IRS2: variants seen among roughly 807,000 people sequenced by gnomAD.
IRS2 encodes insulin receptor substrate 2.
Under a neutral mutation model 70.9 loss-of-function variants are expected in IRS2, and 28 were observed. That is an observed-to-expected ratio of 0.39 (90% confidence interval 0.29 to 0.54). IRS2 has a LOEUF of 0.54. Among genes scored for constraint, IRS2 ranks in the 20% least tolerant of loss-of-function variants. The pLI is 0.59. For missense variants in IRS2, 2,081 were observed against 2,024.1 expected (o/e 1.03, Z -0.54); for synonymous variants, 1,217 against 981.9 (o/e 1.24, Z -4.48).
At chr13:109,773,342 T>C (rs550626792) in intron 1 of IRS2, among the ~76,000 whole-genome samples, 24 of 152,342 alleles carry the variant, frequency 1.6e-4, no homozygotes, top group African/African-American at 5.5e-4. Context: ...ACTCATTAAA[T>C]AGGTTAATGA....
chr13:109,769,256 T>G (rs1038112350), intron 1 of IRS2, among the ~76,000 whole-genome samples: 1 of 152,228 alleles, frequency 6.6e-6, no homozygotes. Context: ...GGCTACAGTA[T>G]GAAAGTTTTT....
chr13:109,782,989 G>C lies in IRS2; in HGVS notation c.3065C>G (p.Ser1022Cys). The C allele has an allele frequency of 1.8e-5, 25 of 1,378,962 alleles. No homozygotes were observed. The highest frequency in any genetic ancestry group is 2.2e-5 in the Non-Finnish European group (24 of 1,070,754). The allele number at this position is 1,378,962 out of a possible 1,614,324, so 85.4% of individuals were successfully genotyped here. Reference protein sequence around the residue: ...SPYPPLPPRPSASPSSSLQPP... With the variant: ...SPYPPLPPRPCASPSSSLQPP... The stretch of plus-strand genomic sequence containing the variant: ...CTGCAGAGACGACGACGGGGACGCG[G>C]ACGGACGCGGGGGCAACGGCGGATA... Residue 1022 changes from serine (S) to cysteine (C), a missense_variant, in exon 1 of 2, where the codon TCC becomes TGC. Ser to Cys is a moderately radical substitution (Grantham distance 112). Coordinates refer to ENST00000375856, the MANE Select transcript of IRS2 (RefSeq NM_003749.3).
rs61743905 is a variant in IRS2, at chr13:109,784,320, C to T, written c.1734G>A (p.Leu578=). The T allele has an allele frequency of 2.0e-3, 3,132 of 1,604,820 alleles. 60 individuals are homozygous for T. In the African/African-American group the frequency reaches 0.035, roughly 18 times the overall value. The change falls in exon 1 of 2, where the codon CTG becomes CTA. Residue 578 remains leucine, a synonymous_variant. Transcript: ENST00000375856. This position sits in a 1 kb window ranked among gnomAD's most constrained non-coding sequence, Gnocchi z 5.2. ...CCGGCCGCTGCCGGGCTGGCGTGGT[C>T]AGGGAGTAGGTCCTCTTGCGCAGCC... ...DRGLRKRTYS[L]TTPARQRPVP...
chr13:109,782,824 A>C lies in IRS2; in HGVS notation c.3230T>G (p.Phe1077Cys), dbSNP rs1379650797. ...GDNGDYTEMA[F>C]GVAATPPQPI... Reference sequence around the variant, plus strand: ...TTGCGGCGGGGTGGCGGCCACACCAAAAGCCATCTCGGTGTAGTCACCATT... The same window carrying C: ...TTGCGGCGGGGTGGCGGCCACACCACAAGCCATCTCGGTGTAGTCACCATT... Residue 1077 changes from phenylalanine to cysteine, a missense_variant, in exon 1 of 2, where the codon TTT (phenylalanine) becomes TGT (cysteine). Transcript: ENST00000375856. The C allele has an allele frequency of 1.9e-6, 3 of 1,590,238 alleles. No individual in the cohort carries two copies.
intron 1 of IRS2, among the ~76,000 whole-genome samples, chr13:109,779,569 G>T (rs1449999820): frequency 6.6e-6 from 1 of 152,158 alleles, no homozygotes; most frequent in Non-Finnish European, 1.5e-5. Context: ...GTGCTACGTG[G>T]ACTAAGGTGA....
intron 1 of IRS2, among the ~76,000 whole-genome samples, chr13:109,777,981 G>T (rs1877616213): frequency 6.6e-6 from 1 of 152,200 alleles, no homozygotes; most frequent in South Asian, 2.1e-4. Context: ...TTAAGGTGCT[G>T]GCTCCATTTT....
In IRS2 at chr13:109,782,751, C is replaced by T. The variant is rs1191913960; in HGVS notation, c.3303G>A (p.Pro1101=). The T allele has an allele frequency of 3.7e-6, 6 of 1,600,544 alleles. No individual in the cohort carries two copies. The highest frequency in any genetic ancestry group is 2.3e-5 in the East Asian group (1 of 44,228). ...GGCTCAGCCTCTTCACGCCCGACGTCGGGCTGGCCACGCGGGCAGCTTCTG... is the reference window on the plus strand; with the variant it reads ...GGCTCAGCCTCTTCACGCCCGACGTTGGGCTGGCCACGCGGGCAGCTTCTG... ...PKPEAARVAS[P]TSGVKRLSLM... The change falls in exon 1 of 2, where the codon CCG becomes CCA. Residue 1101 remains proline (P), a synonymous_variant. Coordinates refer to ENST00000375856, the MANE Select transcript of IRS2 (RefSeq NM_003749.3).
rs1877762045 is a variant in IRS2 at position 109,782,929 on chromosome 13, T to G, written c.3125A>C (p.Tyr1042Ser). ...PPPPPAPGEL[Y>S]RLPPASAVAT... ...AACGGCCGAGGCGGGGGGCAGGCGGTACAGCTCCCCCGGGGCCGGCGGCGG... is the reference window on the plus strand; with the variant it reads ...AACGGCCGAGGCGGGGGGCAGGCGGGACAGCTCCCCCGGGGCCGGCGGCGG... The change falls in exon 1 of 2, where the codon TAC (tyrosine) becomes TCC (serine). Residue 1042 changes from tyrosine (Y) to serine (S), a missense_variant. Physicochemically the swap from Tyr to Ser is moderately radical, Grantham distance 144. Around this residue, in one of 4 missense-constraint regions of IRS2, gnomAD observed 1,615 missense variants for 1,459.5 expected, o/e 1.11. Transcript: ENST00000375856. 6.6e-7 allele frequency: 1 copy of G among 1,516,780 alleles called. No individual in the cohort carries two copies. 94.0% of individuals were successfully genotyped at this position (1,516,780 alleles called of 1,614,324 possible).
At chr13:109,758,874 C>CGGAAGAGGAAGA (rs1181712113) in intron 1 of IRS2, among the ~76,000 whole-genome samples, 1 of 108,896 alleles carries the variant, frequency 9.2e-6, no homozygotes, top group Non-Finnish European at 1.8e-5. Flanking sequence ...GAAGGGCAAG[C>CGGAAGAGGAAGA]GGAAGAGGAA....
intron 1 of IRS2, among the ~76,000 whole-genome samples, chr13:109,765,487 C>T (rs61962697): frequency 0.079 from 1,043 of 13,244 alleles, 2 homozygotes; most frequent in Middle Eastern, 0.14. Context: ...CTCATCCACC[C>T]TGACTCCAAC....
chr13:109,767,579 G>A (rs549884729), intron 1 of IRS2, among the ~76,000 whole-genome samples: 2 of 152,052 alleles, frequency 1.3e-5, no homozygotes, highest in Non-Finnish European at 2.9e-5. Flanking sequence ...CACCTTGTTA[G>A]TAACCAAGGT....
chr13:109,762,113 G>T (rs917632024), intron 1 of IRS2, among the ~76,000 whole-genome samples: 1 of 152,122 alleles, frequency 6.6e-6, no homozygotes, highest in Non-Finnish European at 1.5e-5. Flanking sequence ...ACAGTGCACG[G>T]CTACAGCAGA....
chr13:109,773,609 A>T (rs748264230), intron 1 of IRS2, among the ~76,000 whole-genome samples: 1 of 152,220 alleles, frequency 6.6e-6, no homozygotes, highest in Non-Finnish European at 1.5e-5. Context: ...GATAAAGTAA[A>T]TACATGACCT....
chr13:109,782,455 G>C lies in IRS2; in HGVS notation c.3599C>G (p.Pro1200Arg). The change falls in exon 1 of 2, where the codon CCG becomes CGG. Residue 1200 changes from proline to arginine, a missense_variant. Physicochemically the swap from Pro to Arg is moderately radical, Grantham distance 103. Coordinates refer to ENST00000375856, the MANE Select transcript of IRS2 (RefSeq NM_003749.3). ...CTGCAACTGTCGTGGGGAGGTGGGC[G>C]GCTCGTCGCCCCCTCCAGGGCCGAC... ...VGVGPGGGDE[P>R]PTSPRQLQPA... is the part of the protein sequence containing the mutation. 2 of 1,571,036 alleles carry C rather than the reference G, an allele frequency of 1.3e-6. No homozygotes were observed. Among genetic ancestry groups the C allele is most frequent in the Non-Finnish European group, 1.7e-6 (2 of 1,158,372 alleles).
rs561058544 is a variant in IRS2, at chr13:109,755,840, G to A, written c.*464C>T. 9 of 232,692 alleles carry A rather than the reference G, an allele frequency of 3.9e-5. No individual in the cohort carries two copies. The Admixed American group carries it at 4.0e-4, about 10-fold the overall frequency. 14.4% of individuals were successfully genotyped at this position (232,692 alleles called of 1,614,324 possible). ...CGCCACGGAAATCCGGCTTTACCTT[G>A]AACTGAGGTAGGACTGTGGTCGTTT... On this transcript the variant is annotated 3_prime_UTR_variant, in exon 2 of 2. Coordinates refer to ENST00000375856, the MANE Select transcript of IRS2 (RefSeq NM_003749.3).
At position 109,755,861 on chromosome 13, in the gene IRS2, C is replaced by T. The variant is rs1010571156; in HGVS notation, c.*443G>A. 11 of 250,426 alleles carry T rather than the reference C, an allele frequency of 4.4e-5. No homozygotes were observed. The highest frequency in any genetic ancestry group is 7.1e-5 in the Non-Finnish European group (9 of 126,728). The allele number at this position is 250,426 out of a possible 1,614,324, so 15.5% of individuals were successfully genotyped here. On this transcript the variant is annotated 3_prime_UTR_variant, in exon 2 of 2. Coordinates refer to ENST00000375856, the MANE Select transcript of IRS2 (RefSeq NM_003749.3). ...CCTTGAACTGAGGTAGGACTGTGGT[C>T]GTTTTGAGTGTAAGCCAGTAAATAC...
chr13:109,771,680 C>T (rs1251701112), intron 1 of IRS2, among the ~76,000 whole-genome samples: 1 of 152,190 alleles, frequency 6.6e-6, no homozygotes, highest in African/African-American at 2.4e-5. Flanking sequence ...TACCTACTAT[C>T]ATACCAGAAT....
intron 1 of IRS2, among the ~76,000 whole-genome samples, chr13:109,772,994 C>A (rs1018388256): frequency 1.3e-5 from 2 of 152,138 alleles, no homozygotes; most frequent in Non-Finnish European, 2.9e-5. Flanking sequence ...CGCGCCCGGC[C>A]GCCTATTACA....
intron 1 of IRS2, among the ~76,000 whole-genome samples, chr13:109,768,157 A>G (rs1022775543): frequency 6.6e-6 from 1 of 152,230 alleles, no homozygotes; most frequent in Admixed American, 6.5e-5. Flanking sequence ...TACAAATTCT[A>G]CTTGGAATAA....
Sources: allele counts gnomAD v4.1 joint callset (sites outside exome capture counted in the v4.1 genomes callset), GRCh38; gene constraint gnomAD v4.1.1; regional missense constraint gnomAD v4.1.1; non-coding constraint Gnocchi (gnomAD v3.1); transcripts MANE v1.5; gene names NCBI Gene and HGNC (gene_info 2026-07-23, HGNC 2026-07-21).